The following KCTD8 variants were observed in gnomAD, a reference collection of about 807,000 sequenced individuals.
KCTD8 encodes BTB/POZ domain-containing protein KCTD8.
KCTD8 carries 27 observed loss-of-function variants against 31.5 expected under a neutral mutation model. The observed-to-expected ratio is 0.86, with a 90% CI of 0.63 to 1.18. The LOEUF (loss-of-function observed/expected upper bound fraction) is 1.18, where lower values mean the gene tolerates loss of function less well. Among genes scored for constraint, KCTD8 ranks in the 50% most tolerant of loss-of-function variants. KCTD8 has a pLI of 0.00. For missense variants in KCTD8, 658 were observed against 647.7 expected (o/e 1.02, Z -0.17); for synonymous variants, 290 against 280.0 (o/e 1.04, Z -0.36).
intron 1 of KCTD8, among the ~76,000 whole-genome samples, chr4:44,218,247 C>T (rs1278358270): frequency 2.0e-5 from 3 of 149,470 alleles, no homozygotes; most frequent in Admixed American, 6.8e-5. Flanking sequence ...AATTCTCCTG[C>T]CTCAGCTTCC....
intron 1 of KCTD8, among the ~76,000 whole-genome samples, chr4:44,216,389 A>G (rs1021376381): frequency 1.3e-5 from 2 of 152,178 alleles, no homozygotes; most frequent in Non-Finnish European, 2.9e-5. Context: ...GGCAAATAAG[A>G]TCCTATTTTC....
chr4:44,268,789 A>T (rs1225924850), intron 1 of KCTD8, among the ~76,000 whole-genome samples: 1 of 152,178 alleles, frequency 6.6e-6, no homozygotes. Context: ...TCCCATTCAC[A>T]ATTGCTTCAA....
At chr4:44,185,254 C>T (rs1034041215) in intron 1 of KCTD8, among the ~76,000 whole-genome samples, 1 of 149,936 alleles carries the variant, frequency 6.7e-6, no homozygotes, top group Non-Finnish European at 1.5e-5. Flanking sequence ...TCTACCATTA[C>T]AGCAACTGTT....
At chr4:44,430,880 T>C (rs113791306) in intron 1 of KCTD8, among the ~76,000 whole-genome samples, 1 of 151,552 alleles carries the variant, frequency 6.6e-6, no homozygotes, top group Non-Finnish European at 1.5e-5. Context: ...CACTCAGTAA[T>C]CACCAGTCTA....
intron 1 of KCTD8, among the ~76,000 whole-genome samples, chr4:44,323,305 C>A (rs1283887315): frequency 6.6e-6 from 1 of 151,768 alleles, no homozygotes; most frequent in East Asian, 1.9e-4. Flanking sequence ...ACCAGCCTGG[C>A]CAACATGGTG....
rs774696281 is a variant in KCTD8, at chr4:44,175,066, G to C, written c.1146C>G (p.His382Gln). 6.2e-7 allele frequency: 1 copy of C among 1,614,048 alleles called. No homozygotes were observed. The highest frequency in any genetic ancestry group is 2.2e-5 in the East Asian group (1 of 44,872). The change falls in exon 2 of 2, where the codon CAC becomes CAG. Residue 382 changes from histidine (H) to glutamine (Q), a missense_variant. By Grantham distance (24) the His-to-Gln change is conservative. Coordinates refer to ENST00000360029, the MANE Select transcript of KCTD8 (RefSeq NM_198353.3). Reference protein sequence around the residue: ...NPSSAQQATAHQPNTLTLDRP... With the variant: ...NPSSAQQATAQQPNTLTLDRP... ...GATCCAATGTTAAAGTGTTAGGTTG[G>C]TGAGCTGTTGCCTGCTGGGCACTGG...
intron 1 of KCTD8, among the ~76,000 whole-genome samples, chr4:44,231,687 A>G (rs1045319074): frequency 2.0e-5 from 3 of 152,188 alleles, no homozygotes; most frequent in African/African-American, 7.2e-5. Context: ...CATGTATCAG[A>G]AAGGCATACT....
chr4:44,207,565 C>T (rs141199657), intron 1 of KCTD8, among the ~76,000 whole-genome samples: 2 of 152,290 alleles, frequency 1.3e-5, no homozygotes, highest in East Asian at 3.9e-4. Flanking sequence ...CTGAAAGTCC[C>T]TGCACATTCA....
intron 1 of KCTD8, among the ~76,000 whole-genome samples, chr4:44,349,065 GCCA>G (rs1553902838): frequency 9.3e-6 from 1 of 107,936 alleles, no homozygotes; most frequent in South Asian, 3.2e-4. Flanking sequence ...CACCATCGCT[GCCA>G]CCGCCACCAC....
intron 1 of KCTD8, among the ~76,000 whole-genome samples, chr4:44,295,090 T>A (rs115058541): frequency 2.0e-4 from 30 of 152,154 alleles, no homozygotes; most frequent in African/African-American, 6.5e-4. Context: ...CCCAGGAGTT[T>A]GAGATCAGGC....
At chr4:44,402,439 G>C (rs1456834842) in intron 1 of KCTD8, among the ~76,000 whole-genome samples, 3 of 151,908 alleles carry the variant, frequency 2.0e-5, no homozygotes, top group African/African-American at 7.3e-5. Context: ...AAATATATTA[G>C]AAGAAATAAA....
chr4:44,326,595 C>A (rs895518468), intron 1 of KCTD8, among the ~76,000 whole-genome samples: 1 of 151,732 alleles, frequency 6.6e-6, no homozygotes, highest in Non-Finnish European at 1.5e-5. Context: ...CATTTTTGCT[C>A]CTCTTTTCTT....
chr4:44,202,157 G>A (rs1050220992), intron 1 of KCTD8, among the ~76,000 whole-genome samples: 6 of 152,192 alleles, frequency 3.9e-5, no homozygotes, highest in Non-Finnish European at 8.8e-5. Context: ...TAATGAGGCT[G>A]TGGAGAAAAA....
At chr4:44,209,506 A>C (rs113261735) in intron 1 of KCTD8, among the ~76,000 whole-genome samples, 137 of 151,702 alleles carry the variant, frequency 9.0e-4, no homozygotes, top group African/African-American at 2.9e-3. Flanking sequence ...ATACACACAC[A>C]CACACACTCT....
rs576009474 is a variant in KCTD8 at position 44,377,527 on chromosome 4, G to A, written c.961+70036C>T. On this transcript the variant is annotated intron_variant, in intron 1 of 1. Coordinates refer to ENST00000360029, the MANE Select transcript of KCTD8 (RefSeq NM_198353.3). ...AGCCTAAAAGAAGGCACAGCTGCAG[G>A]GTGATCACCAGTCCTTGGTCCCAGA... Among the ~76,000 whole-genome samples the A allele has an allele frequency of 2.0e-5, 3 of 152,242 alleles. No individual in the cohort carries two copies. The South Asian group carries it at 6.2e-4, about 32-fold the overall frequency.
intron 1 of KCTD8, among the ~76,000 whole-genome samples, chr4:44,410,647 G>A (rs1720930967): frequency 6.6e-6 from 1 of 152,108 alleles, no homozygotes; most frequent in South Asian, 2.1e-4. Context: ...AATCATAGAG[G>A]AAGGCAAGGA....
chr4:44,431,679 AGGT>A (rs1389123066), intron 1 of KCTD8, among the ~76,000 whole-genome samples: 1 of 151,618 alleles, frequency 6.6e-6, no homozygotes, highest in East Asian at 1.9e-4. Context: ...AGATATACTC[AGGT>A]GACCAGAAAT....
chr4:44,354,226 G>C (rs745382276), intron 1 of KCTD8, among the ~76,000 whole-genome samples: 45 of 152,088 alleles, frequency 3.0e-4, no homozygotes, highest in Admixed American at 7.9e-4. Flanking sequence ...TTGTGTGTGT[G>C]TGTTTATTTG....
chr4:44,201,708 C>T (rs1470615035), intron 1 of KCTD8, among the ~76,000 whole-genome samples: 1 of 152,058 alleles, frequency 6.6e-6, no homozygotes, highest in Non-Finnish European at 1.5e-5. Context: ...TAGAAGATAA[C>T]CTAGGAAATA....
Sources: gnomAD v4.1 joint callset for allele counts (sites outside exome capture counted in the v4.1 genomes callset) on GRCh38, gnomAD v4.1.1 for gene constraint, MANE v1.5 for transcripts, NCBI Gene and HGNC (gene_info 2026-07-23, HGNC 2026-07-21) for gene names.